The following BLTP1 variants were observed in gnomAD, a reference collection of about 807,000 sequenced individuals.
BLTP1 encodes fragile site-associated protein.
chr4:122,193,429 A>G, the BLTP1 span: 1 of 158,922 alleles, frequency 6.3e-6, no homozygotes, highest in Non-Finnish European at 1.3e-5. Context: ...GAAGAGTTTT[A>G]TAAATGCATG....
the BLTP1 span, chr4:122,226,389 A>C: frequency 9.8e-7 from 1 of 1,024,256 alleles, no homozygotes; most frequent in Non-Finnish European, 1.2e-6. Flanking sequence ...GATTTCAGTT[A>C]GCTATATAAG....
chr4:122,346,982 A>G, the BLTP1 span: 13 of 765,050 alleles, frequency 1.7e-5, no homozygotes, highest in African/African-American at 2.1e-4. Flanking sequence ...CTTTGAGATT[A>G]CATTCTGGCT....
chr4:122,186,781 C>G, the BLTP1 span, among the ~76,000 whole-genome samples: 1 of 152,024 alleles, frequency 6.6e-6, no homozygotes, highest in South Asian at 2.1e-4. Context: ...GTCTAGCCCA[C>G]TGCCTGTTTT....
At chr4:122,229,708 T>A in the BLTP1 span, 2 of 963,342 alleles carry the variant, frequency 2.1e-6, no homozygotes, top group Non-Finnish European at 2.5e-6. Context: ...TTTCCTTTTC[T>A]CCTTTTTAAA....
chr4:122,239,897 C>T, the BLTP1 span: 1 of 1,613,814 alleles, frequency 6.2e-7, no homozygotes, highest in Non-Finnish European at 8.5e-7. Context: ...AGCCCATTAG[C>T]AGTGATGAAG....
At chr4:122,182,799 G>A in the BLTP1 span, 3 of 984,864 alleles carry the variant, frequency 3.0e-6, no homozygotes, top group Non-Finnish European at 3.6e-6. Context: ...CTACCAAATC[G>A]ATTCAAGTAG....
At chr4:122,216,534 T>C in the BLTP1 span, among the ~76,000 whole-genome samples, 1 of 152,184 alleles carries the variant, frequency 6.6e-6, no homozygotes, top group African/African-American at 2.4e-5. Flanking sequence ...ACATTTTTCG[T>C]ATGTTTGTTG....
chr4:122,291,736 G>C, the BLTP1 span: 2 of 978,996 alleles, frequency 2.0e-6, no homozygotes, highest in Admixed American at 1.2e-4. Flanking sequence ...ATTGGGCCAG[G>C]TATATATTTG....
At chr4:122,266,922 A>G in the BLTP1 span, 1 of 1,604,714 alleles carries the variant, frequency 6.2e-7, no homozygotes, top group Non-Finnish European at 8.5e-7. Flanking sequence ...GTGGATTCAG[A>G]CACAGCCAAA....
chr4:122,249,381 A>T, the BLTP1 span: 9 of 1,502,800 alleles, frequency 6.0e-6, no homozygotes, highest in Non-Finnish European at 8.0e-6. Context: ...GAGCACTAAG[A>T]TATCTTTTAA....
chr4:122,221,103 A>G, the BLTP1 span: 4 of 958,898 alleles, frequency 4.2e-6, no homozygotes, highest in African/African-American at 1.8e-5. Context: ...ATTTAGAAAT[A>G]TAAATGGAAC....
chr4:122,239,769 G>T, the BLTP1 span: 4 of 1,613,958 alleles, frequency 2.5e-6, no homozygotes, highest in South Asian at 1.1e-5. Context: ...GAGAAGTTTT[G>T]GTTCATTCCC....
the BLTP1 span, chr4:122,349,002 C>T: frequency 4.6e-6 from 3 of 648,094 alleles, no homozygotes; most frequent in Non-Finnish European, 7.3e-6. The surrounding 1 kb of genome is among the most constrained non-coding windows in gnomAD (Gnocchi z 4.5). Context: ...TGTTAATATT[C>T]AAATATTTAC....
At chr4:122,229,893 A>C in the BLTP1 span, 1 of 1,572,614 alleles carries the variant, frequency 6.4e-7, no homozygotes, top group Non-Finnish European at 8.7e-7. Flanking sequence ...AAAATACAGA[A>C]ATTACACTTT....
the BLTP1 span, chr4:122,219,199 A>G: frequency 1.4e-6 from 2 of 1,435,052 alleles, no homozygotes; most frequent in Non-Finnish European, 9.1e-7. Flanking sequence ...TTTCTTTTGT[A>G]TTTTAAGACA....
chr4:122,188,848 T>G, the BLTP1 span: 1 of 652,152 alleles, frequency 1.5e-6, no homozygotes, highest in Non-Finnish European at 1.9e-6. Flanking sequence ...CTTATGAGGT[T>G]TTATGTGAAA....
chr4:122,257,505 T>C, the BLTP1 span: 3 of 1,613,592 alleles, frequency 1.9e-6, no homozygotes, highest in Non-Finnish European at 2.5e-6. Context: ...GGTAGTTTTG[T>C]AAGCCTCTAT....
the BLTP1 span, among the ~76,000 whole-genome samples, chr4:122,284,567 T>TA: frequency 6.6e-6 from 1 of 152,174 alleles, no homozygotes; most frequent in Non-Finnish European, 1.5e-5. Context: ...TGCAGACATG[T>TA]ACATATTTAT....
the BLTP1 span, chr4:122,238,244 C>A: frequency 5.6e-6 from 9 of 1,613,878 alleles, no homozygotes; most frequent in Admixed American, 1.0e-4. Flanking sequence ...TAGTGCTGCA[C>A]AGCCTTTGTT....
Sources: gnomAD v4.1 joint callset for allele counts (sites outside exome capture counted in the v4.1 genomes callset) on GRCh38, gnomAD v4.1.1 for gene constraint, Gnocchi (gnomAD v3.1) non-coding constraint, MANE v1.5 for transcripts, NCBI Gene and HGNC (gene_info 2026-07-23, HGNC 2026-07-21) for gene names.